The following FOXJ3 variants were observed in gnomAD, a reference collection of about 807,000 sequenced individuals.
FOXJ3 encodes forkhead box protein J3.
Under a neutral mutation model 76.1 loss-of-function variants are expected in FOXJ3, and 22 were observed. The observed-to-expected ratio is 0.29, with a 90% confidence interval of 0.21 to 0.41. FOXJ3 has a LOEUF of 0.41. FOXJ3 is among the 10% of genes least tolerant of loss of function. The pLI, the probability that FOXJ3 is intolerant of heterozygous loss-of-function variation, is 1.00. For synonymous variants in FOXJ3, 269 were observed against 261.2 expected (o/e 1.03, Z -0.29); for missense variants, 613 against 762.1 (o/e 0.80, Z 2.30).
rs1380600556 is a variant in FOXJ3, at chr1:42,189,530, T to C, written c.1352-126A>G. 5 of 655,968 alleles carry C rather than the reference T, an allele frequency of 7.6e-6. No homozygotes were observed. In the East Asian group the frequency reaches 1.4e-4, roughly 19 times the overall value. 40.6% of individuals were successfully genotyped at this position (655,968 alleles called of 1,614,324 possible). A position where few individuals can be genotyped will look rare whatever the true frequency, so the allele number is the denominator to read the frequency against. ...TTGTCCCGTCTTACAAGGGGATTTG[T>C]ACCCATTATATCACGTGTTGGGCAA... On this transcript the variant is annotated intron_variant, in intron 9 of 12. Coordinates refer to ENST00000361346, the MANE Select transcript of FOXJ3 (RefSeq NM_014947.5).
intron 3 of FOXJ3, among the ~76,000 whole-genome samples, chr1:42,271,074 A>T (rs2124647463): frequency 6.6e-6 from 1 of 152,224 alleles, no homozygotes. Flanking sequence ...GGTTTTTTGG[A>T]GATAGAGACT....
intron 3 of FOXJ3, among the ~76,000 whole-genome samples, chr1:42,270,351 C>T (rs1161948189): frequency 6.6e-6 from 1 of 152,154 alleles, no homozygotes; most frequent in Non-Finnish European, 1.5e-5. Flanking sequence ...GCTGTATTCT[C>T]TACCAAAATG....
chr1:42,268,999 C>T lies in FOXJ3; in HGVS notation c.370-3810G>A, dbSNP rs191490192. On this transcript the variant is annotated intron_variant, in intron 3 of 12. Coordinates refer to ENST00000361346, the MANE Select transcript of FOXJ3 (RefSeq NM_014947.5). The stretch of plus-strand genomic sequence containing the variant: ...ACAGGCCATCACCAGAATCTGCTGG[C>T]ATCTTGATTTTGGAATTCCCAGCCT... Among the ~76,000 whole-genome samples, 307 of 152,208 alleles carry T rather than the reference C, an allele frequency of 2.0e-3. 7 individuals carry two copies. Among genetic ancestry groups the T allele is most frequent in the Admixed American group, 0.02 (303 of 15,278 alleles).
chr1:42,294,413 G>A (rs1201988844), intron 2 of FOXJ3, among the ~76,000 whole-genome samples: 1 of 152,118 alleles, frequency 6.6e-6, no homozygotes, highest in Admixed American at 6.6e-5. Flanking sequence ...TTCTCCCCCA[G>A]GATTTAGAAT....
intron 11 of FOXJ3, among the ~76,000 whole-genome samples, chr1:42,183,240 A>G (rs1646360388): frequency 7.0e-6 from 1 of 143,080 alleles, no homozygotes; most frequent in African/African-American, 2.7e-5. Context: ...TGGTTAATAG[A>G]GTGAGACCCT....
Position 42,278,367 on chromosome 1 carries a change from T to G in FOXJ3, c.350A>C (p.Glu117Ala). Residue 117 changes from glutamate (E) to alanine (A), a missense_variant, in exon 3 of 13, where the codon GAG becomes GCG. Physicochemically the swap from Glu to Ala is moderately radical, Grantham distance 107 (BLOSUM62 -1). Around this residue, in one of 3 missense-constraint regions of FOXJ3, gnomAD observed 10 missense variants for 45.6 expected, o/e 0.22. Transcript: ENST00000361346. ...WICDNFPYYR[E>A]AGSGWKNSIR... ...CCTTACCTTCCAACCACTGCCAGCC[T>G]CTCTATAATATGGGAAGTTATCACA... is the stretch of plus-strand genomic sequence containing the variant. 6.2e-7 allele frequency: 1 copy of G among 1,611,536 alleles called. No homozygotes were observed. Among genetic ancestry groups the G allele is most frequent in the Non-Finnish European group, 8.5e-7 (1 of 1,177,732 alleles).
intron 4 of FOXJ3, among the ~76,000 whole-genome samples, chr1:42,251,396 A>G (rs1441947281): frequency 6.6e-6 from 1 of 152,218 alleles, no homozygotes; most frequent in Non-Finnish European, 1.5e-5. Context: ...AGATATTTTC[A>G]GAGGAACAAA....
intron 4 of FOXJ3, among the ~76,000 whole-genome samples, chr1:42,237,425 T>TATATAC (rs1230334965): frequency 4.5e-4 from 62 of 137,484 alleles, no homozygotes; most frequent in African/African-American, 1.6e-3. Context: ...TATATATATA[T>TATATAC]ATACATACAT....
chr1:42,192,086 C>T (rs948820957), intron 8 of FOXJ3, among the ~76,000 whole-genome samples: 9 of 152,058 alleles, frequency 5.9e-5, no homozygotes, highest in Non-Finnish European at 8.8e-5. Flanking sequence ...AGGAAATGTT[C>T]GGGGAAAAGT....
At chr1:42,235,503 G>A (rs1454238537) in intron 4 of FOXJ3, among the ~76,000 whole-genome samples, 1 of 151,962 alleles carries the variant, frequency 6.6e-6, no homozygotes. Context: ...CTCACTCTAG[G>A]AGCTGTAGAC....
chr1:42,190,939 C>CT (rs1335562973), intron 9 of FOXJ3, among the ~76,000 whole-genome samples: 3 of 152,204 alleles, frequency 2.0e-5, no homozygotes, highest in Non-Finnish European at 1.5e-5. Flanking sequence ...AGTTCTACCA[C>CT]TTACCACAGT....
intron 1 of FOXJ3, among the ~76,000 whole-genome samples, chr1:42,324,068 A>AGT (rs1249654689): frequency 9.9e-6 from 1 of 100,668 alleles, no homozygotes; most frequent in Non-Finnish European, 2.1e-5. Context: ...GTATATACAC[A>AGT]GTGTATATAT....
Position 42,205,874 on chromosome 1 carries a change from A to G in FOXJ3, c.529-11T>C, listed in dbSNP as rs1372650032. ...ATATGGAGTTGAGGCCTAAAATACAAGAACAAAATAAATAATTATTAGCTC... is the reference window on the plus strand; with the variant it reads ...ATATGGAGTTGAGGCCTAAAATACAGGAACAAAATAAATAATTATTAGCTC... On this transcript the variant is annotated splice_polypyrimidine_tract_variant and intron_variant, in intron 5 of 12. Transcript: ENST00000361346. The G allele has an allele frequency of 1.4e-6, 2 of 1,479,964 alleles. No homozygotes were observed. The highest frequency in any genetic ancestry group is 3.5e-5 in the Admixed American group (2 of 57,844). The allele number at this position is 1,479,964 out of a possible 1,614,324, so 91.7% of individuals were successfully genotyped here.
intron 5 of FOXJ3, among the ~76,000 whole-genome samples, chr1:42,217,512 G>A (rs1031470143): frequency 1.3e-5 from 2 of 151,778 alleles, no homozygotes; most frequent in Non-Finnish European, 2.9e-5. Flanking sequence ...CTGGCGACAG[G>A]GCAAGACTCC....
chr1:42,274,532 T>C (rs1255216928), intron 3 of FOXJ3, among the ~76,000 whole-genome samples: 1 of 152,216 alleles, frequency 6.6e-6, no homozygotes, highest in Non-Finnish European at 1.5e-5. Context: ...TATCATTCTC[T>C]AGCTGAGAAA....
intron 1 of FOXJ3, among the ~76,000 whole-genome samples, chr1:42,330,340 C>T (rs538132927): frequency 2.0e-5 from 3 of 152,124 alleles, no homozygotes; most frequent in East Asian, 1.9e-4. Flanking sequence ...ATTTTAAGTC[C>T]GGAAGAAAAT....
intron 2 of FOXJ3, among the ~76,000 whole-genome samples, chr1:42,292,492 T>C (rs1653504365): frequency 6.6e-6 from 1 of 152,152 alleles, no homozygotes; most frequent in Admixed American, 6.5e-5. Context: ...TGCTGATGCA[T>C]GCAGCAACAC....
rs116163838 is a variant in FOXJ3 at position 42,196,879 on chromosome 1, A to G, written c.760-1815T>C. On this transcript the variant is annotated intron_variant, in intron 7 of 12. Coordinates refer to ENST00000361346, the MANE Select transcript of FOXJ3 (RefSeq NM_014947.5). ...TGTGCTTTGCTTTCTTTTGGTCAAG[A>G]TTTTTTACACTTAAATTACTTCAAA... is the stretch of plus-strand genomic sequence containing the variant. 4.1e-3 allele frequency among the ~76,000 whole-genome samples: 630 copies of G among 152,160 alleles called. 3 individuals are homozygous for G. Among genetic ancestry groups the G allele is most frequent in the African/African-American group, 0.014 (588 of 41,514 alleles).
intron 5 of FOXJ3, among the ~76,000 whole-genome samples, chr1:42,209,445 C>A (rs1274073916): frequency 6.6e-6 from 1 of 152,134 alleles, no homozygotes; most frequent in African/African-American, 2.4e-5. Context: ...AAAATGCAGA[C>A]CTTTTGAAAT....
Sources: allele counts gnomAD v4.1 joint callset (sites outside exome capture counted in the v4.1 genomes callset), GRCh38; gene constraint gnomAD v4.1.1; regional missense constraint gnomAD v4.1.1; transcripts MANE v1.5; gene names NCBI Gene and HGNC (gene_info 2026-07-23, HGNC 2026-07-21).